The following TBC1D32 variants were observed in gnomAD, a reference collection of about 807,000 sequenced individuals.
TBC1D32 encodes the protein TBC1 domain family member 32.
A neutral mutation model predicts 170.3 loss-of-function variants in TBC1D32; 151 were observed. The ratio of observed to expected loss-of-function variants is 0.89; its 90% CI spans 0.78 to 1.01. The LOEUF is 1.01. Among genes scored for constraint, TBC1D32 ranks in the 50% least tolerant of loss-of-function variants. TBC1D32 has a pLI of 0.00. For missense variants in TBC1D32, 1,464 were observed against 1,457.1 expected, an observed-to-expected ratio of 1.00 and a Z score of -0.08; for synonymous variants, 498 against 488.0, an observed-to-expected ratio of 1.02 and a Z score of -0.27.
At chr6:121,083,664 T>A (rs1775883091) in intron 31 of TBC1D32, among the ~76,000 whole-genome samples, 1 of 152,058 alleles carries the variant, frequency 6.6e-6, no homozygotes, top group Non-Finnish European at 1.5e-5. Flanking sequence ...ATCAGACTAG[T>A]CAATGAAAAA....
At chr6:121,238,977 C>A (rs1342303664) in intron 20 of TBC1D32, 93 bp downstream of exon 20, 4 of 565,318 alleles carry the variant, frequency 7.1e-6, no homozygotes, top group Non-Finnish European at 9.3e-6. Flanking sequence ...AAAAAGTCTG[C>A]TGGTTGTAAC....
intron 22 of TBC1D32, among the ~76,000 whole-genome samples, chr6:121,180,259 G>T (rs1009903306): frequency 6.6e-6 from 1 of 152,010 alleles, no homozygotes; most frequent in African/African-American, 2.4e-5. Flanking sequence ...GGAAAGAAAA[G>T]GACTAAAAAT....
At chr6:121,101,721 T>C (rs1283264768) in intron 30 of TBC1D32, among the ~76,000 whole-genome samples, 1 of 152,114 alleles carries the variant, frequency 6.6e-6, no homozygotes, top group Admixed American at 6.6e-5. Flanking sequence ...CAACATAGTG[T>C]TGGAAGTTCT....
chr6:121,241,458 C>T lies in TBC1D32; in HGVS notation c.2245+7G>A, dbSNP rs1432062749. 1.9e-6 allele frequency: 3 copies of T among 1,609,290 alleles called. No homozygotes were observed. Among genetic ancestry groups the T allele is most frequent in the Admixed American group, 1.7e-5 (1 of 59,804 alleles). On this transcript the variant is annotated splice_region_variant and intron_variant, in intron 19 of 31. Coordinates refer to ENST00000398212, the MANE Select transcript of TBC1D32 (RefSeq NM_152730.6). ...AATTATAATTCTAATGAAAAGAAAACATTTACCTGACTTTTTTAGTGCAAT... is the reference window on the plus strand; with the variant it reads ...AATTATAATTCTAATGAAAAGAAAATATTTACCTGACTTTTTTAGTGCAAT...
intron 30 of TBC1D32, among the ~76,000 whole-genome samples, chr6:121,103,010 A>T (rs1469526855): frequency 1.3e-5 from 2 of 152,210 alleles, no homozygotes; most frequent in Non-Finnish European, 2.9e-5. Flanking sequence ...CCATCAGAGA[A>T]ATGCAAATCA....
At chr6:121,106,834 T>C (rs1391700339) in intron 29 of TBC1D32, among the ~76,000 whole-genome samples, 1 of 151,996 alleles carries the variant, frequency 6.6e-6, no homozygotes, top group Non-Finnish European at 1.5e-5. Flanking sequence ...TATGTGAATA[T>C]ATACACACAT....
chr6:121,098,936 T>A lies in TBC1D32; in HGVS notation c.3465+7087A>T, dbSNP rs190854231. 5.9e-3 allele frequency among the ~76,000 whole-genome samples: 901 copies of A among 152,096 alleles called. 13 individuals are homozygous for A. Among genetic ancestry groups the A allele is most frequent in the African/African-American group, 0.02 (840 of 41,526 alleles). ...GAAGACATACACATTTATAAAGACATATGCCTTTATAAATCTGACTCTGAA... is the reference window on the plus strand; with the variant it reads ...GAAGACATACACATTTATAAAGACAAATGCCTTTATAAATCTGACTCTGAA... On this transcript the variant is annotated intron_variant, in intron 30 of 31. Transcript: ENST00000398212.
chr6:121,285,065 T>C (rs1175644197), intron 12 of TBC1D32, among the ~76,000 whole-genome samples: 2 of 152,140 alleles, frequency 1.3e-5, no homozygotes, highest in Admixed American at 1.3e-4. Flanking sequence ...AAAATAAATA[T>C]ACTGTGTAAC....
At chr6:121,203,072 A>T (rs1209051101) in intron 22 of TBC1D32, among the ~76,000 whole-genome samples, 1 of 151,332 alleles carries the variant, frequency 6.6e-6, no homozygotes, top group Non-Finnish European at 1.5e-5. Context: ...GCTTAACTAG[A>T]AACAAACAAA....
intron 22 of TBC1D32, among the ~76,000 whole-genome samples, chr6:121,169,314 G>A (rs909007892): frequency 7.9e-5 from 12 of 152,146 alleles, no homozygotes; most frequent in Non-Finnish European, 1.6e-4. Flanking sequence ...AATAAGCAAT[G>A]AGGAAAGGAT....
At chr6:121,306,226 C>G (rs1807301989) in intron 5 of TBC1D32, among the ~76,000 whole-genome samples, 1 of 152,150 alleles carries the variant, frequency 6.6e-6, no homozygotes, top group African/African-American at 2.4e-5. Context: ...AGGTAAACAC[C>G]TTCCCTTTAT....
intron 24 of TBC1D32, among the ~76,000 whole-genome samples, chr6:121,152,469 ATG>A (rs1278542382): frequency 6.6e-6 from 1 of 151,930 alleles, no homozygotes; most frequent in Admixed American, 6.6e-5. Flanking sequence ...TCTGTCGATT[ATG>A]TGTCTTGGGG....
At chr6:121,151,702 A>G (rs1417640063) in intron 24 of TBC1D32, among the ~76,000 whole-genome samples, 1 of 152,210 alleles carries the variant, frequency 6.6e-6, no homozygotes, top group Non-Finnish European at 1.5e-5. Flanking sequence ...GGGTGCACAT[A>G]TATTTAGGAT....
intron 28 of TBC1D32, 98 bp from the exon 29 acceptor site, chr6:121,112,757 A>C (rs1334794985): frequency 1.8e-6 from 2 of 1,081,524 alleles, no homozygotes; most frequent in African/African-American, 3.3e-5. Context: ...TAAAAAGCAG[A>C]CATTCTTATT....
chr6:121,308,012 C>A lies in TBC1D32; in HGVS notation c.654G>T (p.Leu218=). 1 of 1,613,748 alleles carries A rather than the reference C, an allele frequency of 6.2e-7. No individual in the cohort carries two copies. Among genetic ancestry groups the A allele is most frequent in the South Asian group, 1.1e-5 (1 of 91,006 alleles). The part of the protein sequence containing the change: ...CENWTTLCEK[L]TVSLSDPDPV... Reference sequence around the variant, plus strand: ...GATCAGGATCTGAAAGAGACACGGTCAGTTTTTCGCAGAGAGTAGTCCAAT... The same window carrying A: ...GATCAGGATCTGAAAGAGACACGGTAAGTTTTTCGCAGAGAGTAGTCCAAT... Residue 218 remains leucine, a synonymous_variant, in exon 5 of 32, where the codon CTG becomes CTT. Transcript: ENST00000398212.
chr6:121,107,279 ATACAC>A (rs1778786880), intron 29 of TBC1D32, among the ~76,000 whole-genome samples: 1 of 151,970 alleles, frequency 6.6e-6, no homozygotes, highest in Admixed American at 6.6e-5. Flanking sequence ...GGTTTGAGTT[ATACAC>A]TAAAGTTTCT....
chr6:121,202,924 TTGTACC>T (rs1422225672), intron 22 of TBC1D32, among the ~76,000 whole-genome samples: 1 of 151,436 alleles, frequency 6.6e-6, no homozygotes, highest in Non-Finnish European at 1.5e-5. Context: ...GATAAATAAG[TTGTACC>T]AAGCATTACA....
At chr6:121,084,640 T>G (rs2133994) in intron 31 of TBC1D32, among the ~76,000 whole-genome samples, 29,366 of 152,104 alleles carry the variant, frequency 0.19, 3,947 homozygotes, top group African/African-American at 0.36. Context: ...ACCAATACCT[T>G]GAAAAGTTAT....
rs141075919 is a variant in TBC1D32 at position 121,323,043 on chromosome 6, C to T, written c.156-1249G>A. ...ACAGCAAAAAGCACTCTCCTCTTTC[C>T]AGCTACCCACCACATTTTTGGCACT... On this transcript the variant is annotated intron_variant, in intron 1 of 31. Coordinates refer to ENST00000398212, the MANE Select transcript of TBC1D32 (RefSeq NM_152730.6). Among the ~76,000 whole-genome samples the T allele has an allele frequency of 3.9e-5, 6 of 152,228 alleles. No homozygotes were observed. The East Asian group carries it at 7.7e-4, about 20-fold the overall frequency.
Sources: allele counts gnomAD v4.1 joint callset (sites outside exome capture counted in the v4.1 genomes callset), GRCh38; gene constraint gnomAD v4.1.1; transcripts MANE v1.5; gene names NCBI Gene and HGNC (gene_info 2026-07-23, HGNC 2026-07-21).